Variants in NANOG observed in about 807,000 individuals in gnomAD.
NANOG encodes the protein Nanog homeobox.
A neutral mutation model predicts 17.7 loss-of-function variants in NANOG; 2 were observed. That is an observed-to-expected ratio of 0.11 (90% confidence interval 0.05 to 0.36). NANOG has a LOEUF of 0.36. NANOG is among the 10% of genes least tolerant of loss of function. The probability of loss-of-function intolerance (pLI) is 1.00; values close to 1 mark genes in which losing one functional copy is unlikely to be tolerated. For missense variants in NANOG, 174 were observed against 362.1 expected, an observed-to-expected ratio of 0.48 and a Z score of 4.22; for synonymous variants, 81 against 124.7, an observed-to-expected ratio of 0.65 and a Z score of 2.33.
intron 1 of NANOG, 150 bp from the exon 2 acceptor site, chr12:7,792,800 A>G: frequency 1.3e-6 from 1 of 760,036 alleles, no homozygotes. Flanking sequence ...AAGCTTGCCA[A>G]AGTGCCAGGG....
At chr12:7,789,883 T>C in intron 1 of NANOG, 118 bp downstream of exon 1, 3 of 1,088,798 alleles carry the variant, frequency 2.8e-6, no homozygotes, top group Non-Finnish European at 4.0e-6. Context: ...TAAAGAAGTG[T>C]TATTATCAAC....
At position 7,794,518 on chromosome 12, in the gene NANOG, C is replaced by A. The variant is rs545520952; in HGVS notation, c.476C>A (p.Pro159Gln). The change falls in exon 3 of 4, where the codon CCG (proline) becomes CAG (glutamine). Residue 159 changes from proline to glutamine, a missense_variant. Around this residue, in one of 2 missense-constraint regions of NANOG, gnomAD observed 158 missense variants for 244.2 expected, o/e 0.65. Coordinates refer to ENST00000229307, the MANE Select transcript of NANOG (RefSeq NM_024865.4). The part of the protein sequence containing the change: ...KSKRWQKNNW[P>Q]KNSNGVTQKA... ...AAGAGGTGGCAGAAAAACAACTGGC[C>A]GAAGAATAGCAATGGTGTGACGCAG... The A allele has an allele frequency of 6.2e-7, 1 of 1,613,386 alleles. No individual in the cohort carries two copies. Among genetic ancestry groups the A allele is most frequent in the South Asian group, 1.1e-5 (1 of 90,962 alleles).
chr12:7,791,397 C>G (rs968652496), intron 1 of NANOG, among the ~76,000 whole-genome samples: 1 of 152,122 alleles, frequency 6.6e-6, no homozygotes, highest in Non-Finnish European at 1.5e-5. Flanking sequence ...TTTATAATTT[C>G]AAATGTTAAA....
At position 7,796,990 on chromosome 12, in the gene NANOG, G is replaced by C. The variant is rs1319999616; in HGVS notation, c.*1895G>C. 1 of 152,120 alleles carries C rather than the reference G, an allele frequency of 6.6e-6. No homozygotes were observed. The highest frequency in any genetic ancestry group is 1.9e-4 in the East Asian group (1 of 5,168). 9.4% of individuals were successfully genotyped at this position (152,120 alleles called of 1,614,324 possible). ...TTGGCCAGGCTGGTCTTGAACTCCTGACCTCATGATCCACCAGCCTTGGCC... is the reference window on the plus strand; with the variant it reads ...TTGGCCAGGCTGGTCTTGAACTCCTCACCTCATGATCCACCAGCCTTGGCC... On this transcript the variant is annotated 3_prime_UTR_variant, in exon 4 of 4. Transcript: ENST00000229307.
Position 7,795,293 on chromosome 12 carries a change from T to C in NANOG, c.*198T>C, listed in dbSNP as rs1421760371. 7.8e-6 allele frequency: 4 copies of C among 513,836 alleles called. No homozygotes were observed. Among genetic ancestry groups the C allele is most frequent in the Middle Eastern group, 5.3e-4 (1 of 1,900 alleles). 31.8% of individuals were successfully genotyped at this position (513,836 alleles called of 1,614,324 possible). On this transcript the variant is annotated 3_prime_UTR_variant, in exon 4 of 4. Transcript: ENST00000229307. The stretch of plus-strand genomic sequence containing the variant: ...AGCGAGGTTTCTTTTTTTTTTTTTT[T>C]CCTATTGGATCTTCCTGGAGAAAAT...
Position 7,792,970 on chromosome 12 carries a change from A to G in NANOG, c.172A>G (p.Met58Val), listed in dbSNP as rs1432384081. Residue 58 changes from methionine (M) to valine (V), a missense_variant, in exon 2 of 4, where the codon ATG (methionine) becomes GTG (valine). Transcript: ENST00000229307. ...AACAGTCTCTCCTCTTCCTTCCTCC[A>G]TGGATCTGCTTATTCAGGACAGCCC... is the stretch of plus-strand genomic sequence containing the variant. The part of the protein sequence containing the change: ...TETVSPLPSS[M>V]DLLIQDSPDS... 3.0e-5 allele frequency: 48 copies of G among 1,606,706 alleles called. No individual in the cohort carries two copies. The highest frequency in any genetic ancestry group is 3.9e-5 in the Non-Finnish European group (46 of 1,176,722).
intron 2 of NANOG, among the ~76,000 whole-genome samples, chr12:7,794,041 G>A (rs1255881811): frequency 2.0e-5 from 3 of 152,070 alleles, no homozygotes; most frequent in Non-Finnish European, 2.9e-5. Flanking sequence ...TACCACACCC[G>A]GCCCTTGCCT....
chr12:7,792,693 C>T (rs1172464655), intron 1 of NANOG, among the ~76,000 whole-genome samples: 1 of 152,044 alleles, frequency 6.6e-6, no homozygotes, highest in Non-Finnish European at 1.5e-5. Flanking sequence ...TAGCGCCGCT[C>T]AGCAATGCAT....
chr12:7,795,213 C>T lies in NANOG; in HGVS notation c.*118C>T, dbSNP rs1287101645. On this transcript the variant is annotated 3_prime_UTR_variant, in exon 4 of 4. Transcript: ENST00000229307. Reference sequence around the variant, plus strand: ...TTTGGAAACCACGTGTTCTGGTTTCCATGATGCCCATCCAGTCAATCTCAT... The same window carrying T: ...TTTGGAAACCACGTGTTCTGGTTTCTATGATGCCCATCCAGTCAATCTCAT... 1.5e-5 allele frequency: 13 copies of T among 859,146 alleles called. No homozygotes were observed. In the Admixed American group the frequency reaches 1.9e-4, roughly 13 times the overall value. The allele number at this position is 859,146 out of a possible 1,614,324, so 53.2% of individuals were successfully genotyped here.
intron 1 of NANOG, 70 bp from the exon 2 acceptor site, chr12:7,792,880 A>G: frequency 6.8e-7 from 1 of 1,464,172 alleles, no homozygotes; most frequent in South Asian, 1.3e-5. Context: ...TTTGAAAACA[A>G]TTTTTTTAAA....
At position 7,789,571 on chromosome 12, in the gene NANOG, C is replaced by T. The variant is rs201306414; in HGVS notation, c.-44C>T. The T allele has an allele frequency of 8.5e-5, 134 of 1,579,540 alleles. No homozygotes were observed. The highest frequency in any genetic ancestry group is 6.4e-4 in the South Asian group (57 of 89,462). On this transcript the variant is annotated 5_prime_UTR_variant, in exon 1 of 4. Coordinates refer to ENST00000229307, the MANE Select transcript of NANOG (RefSeq NM_024865.4). ...CTTAAAGCTGCCTTAACCTTTTTTC[C>T]AGTCCACCTCTTAAATTTTTTCCTC... is the stretch of plus-strand genomic sequence containing the variant.
chr12:7,796,753 TTTTTTTTTGTTTTATTTTG>T lies in NANOG; in HGVS notation c.*1667_*1685del, dbSNP rs1862936886. On this transcript the variant is annotated 3_prime_UTR_variant, in exon 4 of 4. Coordinates refer to ENST00000229307, the MANE Select transcript of NANOG (RefSeq NM_024865.4). Reference sequence around the variant, plus strand: ...GACTATCCAGTCTAATTCCAAGTGTTTTTTTTTTGTTTTATTTTGTTTTTTTTTAAGACTGGAGTCTTAC... The same window carrying T: ...GACTATCCAGTCTAATTCCAAGTGTTTTTTTTTTTAAGACTGGAGTCTTAC... The T allele has an allele frequency of 1.5e-5, 1 of 64,804 alleles. No individual in the cohort carries two copies. The highest frequency in any genetic ancestry group is 3.7e-5 in the African/African-American group (1 of 26,680). 4.0% of individuals were successfully genotyped at this position (64,804 alleles called of 1,614,324 possible).
At chr12:7,792,158 G>A (rs1271475123) in intron 1 of NANOG, among the ~76,000 whole-genome samples, 1 of 152,198 alleles carries the variant, frequency 6.6e-6, no homozygotes, top group Non-Finnish European at 1.5e-5. Flanking sequence ...GCCTCCCAAA[G>A]TGTTGGGATT....
intron 2 of NANOG, among the ~76,000 whole-genome samples, chr12:7,794,116 G>C (rs10845890): frequency 0.49 from 75,038 of 151,748 alleles, 20,059 homozygotes; most frequent in Non-Finnish European, 0.59. Flanking sequence ...CTGTTGTCAC[G>C]CAGCTGGAGT....
chr12:7,789,722 A>G lies in NANOG; in HGVS notation c.108A>G (p.Pro36=). ...PVICGPEENY[P]SLQMSSAEMP... ...TTTGTGGGCCTGAAGAAAACTATCCATCCTTGCAAATGTCTTCTGCTGAGA... is the reference window on the plus strand; with the variant it reads ...TTTGTGGGCCTGAAGAAAACTATCCGTCCTTGCAAATGTCTTCTGCTGAGA... The change falls in exon 1 of 4, where the codon CCA becomes CCG. Residue 36 remains proline (P), a synonymous_variant. Coordinates refer to ENST00000229307, the MANE Select transcript of NANOG (RefSeq NM_024865.4). 3 of 1,614,196 alleles carry G rather than the reference A, an allele frequency of 1.9e-6. No individual in the cohort carries two copies. The highest frequency in any genetic ancestry group is 1.3e-5 in the African/African-American group (1 of 75,066).
intron 1 of NANOG, 58 bp downstream of exon 1, chr12:7,789,823 G>GA (rs1291622098): frequency 1.3e-6 from 2 of 1,555,430 alleles, no homozygotes; most frequent in African/African-American, 1.4e-5. Context: ...GAGAGAAGGA[G>GA]AGAGGGTTAA....
At chr12:7,792,504 A>G (rs1400630732) in intron 1 of NANOG, among the ~76,000 whole-genome samples, 1 of 152,132 alleles carries the variant, frequency 6.6e-6, no homozygotes, top group Non-Finnish European at 1.5e-5. Context: ...GTCTCTACTA[A>G]AAATACAAAA....
intron 2 of NANOG, among the ~76,000 whole-genome samples, chr12:7,793,525 C>CA (rs1491574646): frequency 3.3e-5 from 5 of 152,176 alleles, no homozygotes; most frequent in African/African-American, 1.2e-4. Context: ...AACCCTAACT[C>CA]ACACTGGTTC....
intron 1 of NANOG, among the ~76,000 whole-genome samples, chr12:7,791,004 C>T (rs779365197): frequency 1.3e-4 from 20 of 152,248 alleles, no homozygotes; most frequent in Non-Finnish European, 2.5e-4. Context: ...CTCAGCTTCC[C>T]AAGTCGCTGG....
Sources: gnomAD v4.1 joint callset for allele counts (sites outside exome capture counted in the v4.1 genomes callset) on GRCh38, gnomAD v4.1.1 for gene constraint, gnomAD v4.1.1 regional missense constraint, MANE v1.5 for transcripts, NCBI Gene and HGNC (gene_info 2026-07-23, HGNC 2026-07-21) for gene names.